The following AGBL4 variants were observed in gnomAD, a reference collection of about 807,000 sequenced individuals.
AGBL4 encodes the protein AGBL carboxypeptidase 4.
A neutral mutation model predicts 66.4 loss-of-function variants in AGBL4; 58 were observed. That is an observed-to-expected ratio of 0.87 (90% confidence interval 0.71 to 1.09). The LOEUF is 1.09. Ranked by LOEUF, AGBL4 falls within the 50% of genes least tolerant of loss-of-function variation. The probability of loss-of-function intolerance (pLI) is 0.00; values close to 1 mark genes in which losing one functional copy is unlikely to be tolerated. For missense variants in AGBL4, 579 were observed against 631.0 expected (o/e 0.92, Z 0.88); for synonymous variants, 234 against 222.9 (o/e 1.05, Z -0.44).
intron 3 of AGBL4, among the ~76,000 whole-genome samples, chr1:49,321,705 T>C (rs1430705160): frequency 6.6e-6 from 1 of 152,210 alleles, no homozygotes; most frequent in African/African-American, 2.4e-5. Flanking sequence ...AAAGGGTTTA[T>C]AATGTGTTAT....
intron 6 of AGBL4, chr1:48,817,747 G>T (rs1318503985): frequency 1.5e-5 from 5 of 338,400 alleles, no homozygotes; most frequent in Non-Finnish European, 2.7e-5. Flanking sequence ...CAACAGGACT[G>T]GAAGCCCAGC....
intron 11 of AGBL4, among the ~76,000 whole-genome samples, chr1:48,579,813 G>A (rs1286657649): frequency 6.6e-6 from 1 of 150,402 alleles, no homozygotes; most frequent in Non-Finnish European, 1.5e-5. Flanking sequence ...AGCTACTCAG[G>A]AGGCTGAGGC....
intron 5 of AGBL4, among the ~76,000 whole-genome samples, chr1:48,889,741 C>A (rs1650738272): frequency 6.6e-6 from 1 of 152,134 alleles, no homozygotes. Flanking sequence ...AAAGGAAGGA[C>A]CTGCAGGGCA....
At chr1:49,856,903 G>T (rs1260559553) in intron 1 of AGBL4, among the ~76,000 whole-genome samples, 1 of 151,048 alleles carries the variant, frequency 6.6e-6, no homozygotes, top group African/African-American at 2.4e-5. Flanking sequence ...GGGGAAAAGA[G>T]AAATCCAAAT....
intron 3 of AGBL4, among the ~76,000 whole-genome samples, chr1:49,370,876 G>A (rs1644326722): frequency 6.6e-6 from 1 of 152,154 alleles, no homozygotes; most frequent in East Asian, 1.9e-4. Flanking sequence ...GTTAGATGAG[G>A]TTAACATTTA....
intron 5 of AGBL4, among the ~76,000 whole-genome samples, chr1:49,006,017 G>C (rs1484681645): frequency 1.3e-5 from 2 of 152,026 alleles, no homozygotes; most frequent in Non-Finnish European, 2.9e-5. Flanking sequence ...AAAAAGGGAG[G>C]AGGAGCCAAG....
At chr1:48,778,152 C>CATCCATCA (rs1226396142) in intron 6 of AGBL4, among the ~76,000 whole-genome samples, 13 of 152,046 alleles carry the variant, frequency 8.6e-5, no homozygotes, top group African/African-American at 3.1e-4. Flanking sequence ...TCCATCCATC[C>CATCCATCA]ATCCATCCAT....
chr1:49,520,872 T>C (rs1181688139), intron 3 of AGBL4, among the ~76,000 whole-genome samples: 2 of 151,142 alleles, frequency 1.3e-5, no homozygotes, highest in Non-Finnish European at 3.0e-5. Flanking sequence ...TGCAGTGGCA[T>C]GATCTCAGCT....
At chr1:49,919,570 T>C (rs1651975005) in intron 1 of AGBL4, among the ~76,000 whole-genome samples, 1 of 152,032 alleles carries the variant, frequency 6.6e-6, no homozygotes, top group African/African-American at 2.4e-5. Context: ...TACAAACCAC[T>C]GGTCAAGGAA....
At chr1:48,638,645 G>T (rs1401427562) in intron 8 of AGBL4, among the ~76,000 whole-genome samples, 1 of 152,182 alleles carries the variant, frequency 6.6e-6, no homozygotes, top group Non-Finnish European at 1.5e-5. Flanking sequence ...TGCTCCCATA[G>T]CATCTGTTGC....
chr1:48,590,758 G>A lies in AGBL4; in HGVS notation c.1104+75C>T, dbSNP rs1644902332. 2.0e-6 allele frequency: 3 copies of A among 1,485,278 alleles called. No individual in the cohort carries two copies. In the South Asian group the frequency reaches 4.1e-5, roughly 20 times the overall value. 92.0% of individuals were successfully genotyped at this position (1,485,278 alleles called of 1,614,324 possible). On this transcript the variant is annotated intron_variant, in intron 10 of 13. Transcript: ENST00000371839. The stretch of plus-strand genomic sequence containing the variant: ...TGTCCCGTGGAGCTTAAAGCAAACT[G>A]AACTGAGTGAGAAGGAAGACGGGGA...
At chr1:49,607,095 T>C (rs1645075267) in intron 3 of AGBL4, among the ~76,000 whole-genome samples, 1 of 152,162 alleles carries the variant, frequency 6.6e-6, no homozygotes, top group South Asian at 2.1e-4. Flanking sequence ...AGGTTTGTGG[T>C]ATTCATAAAA....
At chr1:49,613,225 A>T (rs1645185983) in intron 3 of AGBL4, among the ~76,000 whole-genome samples, 2 of 151,958 alleles carry the variant, frequency 1.3e-5, no homozygotes, top group Admixed American at 6.6e-5. Context: ...ACTGGAGACT[A>T]CTAGATGGGG....
chr1:48,652,784 G>A (rs984374226), intron 8 of AGBL4, among the ~76,000 whole-genome samples: 11 of 152,168 alleles, frequency 7.2e-5, no homozygotes, highest in African/African-American at 2.7e-4. Flanking sequence ...GAGAAAAGGA[G>A]TTCAAGATTT....
intron 1 of AGBL4, among the ~76,000 whole-genome samples, chr1:49,883,018 A>T (rs1571796603): frequency 1.3e-5 from 2 of 152,302 alleles, no homozygotes; most frequent in Non-Finnish European, 2.9e-5. Flanking sequence ...AAAAAATTTA[A>T]CATGGCTTTA....
chr1:49,119,559 AAG>A (rs1328038812), intron 4 of AGBL4, among the ~76,000 whole-genome samples: 1 of 152,032 alleles, frequency 6.6e-6, no homozygotes, highest in African/African-American at 2.4e-5. Flanking sequence ...TGTGGTCTGA[AAG>A]AGAGTTTGTT....
chr1:48,766,927 T>A (rs1019266689), intron 6 of AGBL4, among the ~76,000 whole-genome samples: 2 of 152,212 alleles, frequency 1.3e-5, no homozygotes. Flanking sequence ...CAGTATATGA[T>A]AAGAACCCAA....
chr1:48,863,481 T>A (rs1647682970), intron 6 of AGBL4, among the ~76,000 whole-genome samples: 1 of 152,104 alleles, frequency 6.6e-6, no homozygotes, highest in African/African-American at 2.4e-5. Context: ...ATTTTAAAAA[T>A]TTAATTGTTG....
At chr1:49,781,635 T>C (rs1172741066) in intron 2 of AGBL4, among the ~76,000 whole-genome samples, 2 of 152,098 alleles carry the variant, frequency 1.3e-5, no homozygotes, top group South Asian at 2.1e-4. Flanking sequence ...ATAAAGCAAG[T>C]AGACCTAAAA....
Sources: gnomAD v4.1 joint callset for allele counts (sites outside exome capture counted in the v4.1 genomes callset) on GRCh38, gnomAD v4.1.1 for gene constraint, MANE v1.5 for transcripts, NCBI Gene and HGNC (gene_info 2026-07-23, HGNC 2026-07-21) for gene names.